SOCS2: variants seen among roughly 807,000 people sequenced by gnomAD.
SOCS2 encodes the protein CIS-2.
Under a neutral mutation model 18.6 loss-of-function variants are expected in SOCS2, and 10 were observed. That is an observed-to-expected ratio of 0.54 (90% CI 0.33 to 0.91). SOCS2 has a LOEUF of 0.91. Ranked by LOEUF, SOCS2 falls within the 40% of genes least tolerant of loss-of-function variation. SOCS2 has a pLI of 0.02. For missense variants in SOCS2, 231 were observed against 247.2 expected (o/e 0.93, Z 0.44); for synonymous variants, 104 against 104.0 (o/e 1.00, Z 0.00).
chr12:93,593,955 A>G, the SOCS2 span, among the ~76,000 whole-genome samples: 1 of 152,216 alleles, frequency 6.6e-6, no homozygotes, highest in Non-Finnish European at 1.5e-5. Context: ...TGTTTAATCA[A>G]AACTCTTAAT....
the SOCS2 span, among the ~76,000 whole-genome samples, chr12:93,624,503 C>T: frequency 2.0e-5 from 3 of 151,260 alleles, no homozygotes; most frequent in Admixed American, 6.6e-5. Flanking sequence ...ATCCGGGAGG[C>T]GGAGGTTGTA....
the SOCS2 span, among the ~76,000 whole-genome samples, chr12:93,614,404 T>TCTTTCTTTCTTC: frequency 7.2e-6 from 1 of 139,060 alleles, no homozygotes; most frequent in Admixed American, 7.2e-5. Context: ...TTTCTTTCTT[T>TCTTTCTTTCTTC]CTTTCTTTCT....
the SOCS2 span, among the ~76,000 whole-genome samples, chr12:93,603,533 T>C: frequency 6.6e-6 from 1 of 152,234 alleles, no homozygotes; most frequent in African/African-American, 2.4e-5. Flanking sequence ...GTTTATTACA[T>C]GGATCTGGTC....
intron 1 of SOCS2, 58 bp downstream of exon 1, chr12:93,573,094 C>T (rs1394772038): frequency 6.5e-7 from 1 of 1,536,316 alleles, no homozygotes; most frequent in South Asian, 1.2e-5. Context: ...AAGGAAGCAG[C>T]TAGGAAGCGG....
At chr12:93,573,600 C>CA (rs777255361) in intron 1 of SOCS2, 3 of 184,714 alleles carry the variant, frequency 1.6e-5, no homozygotes, top group Admixed American at 1.2e-4. Context: ...CAAGTACAGT[C>CA]AGGCAATTCG....
At chr12:93,619,357 A>T in the SOCS2 span, among the ~76,000 whole-genome samples, 3 of 152,178 alleles carry the variant, frequency 2.0e-5, no homozygotes, top group African/African-American at 7.2e-5. Flanking sequence ...GCCCCAGAAC[A>T]GGGCAGGAAG....
downstream of SOCS2, among the ~76,000 whole-genome samples, chr12:93,584,829 C>T (rs1185987786): frequency 6.6e-6 from 1 of 151,990 alleles, no homozygotes; most frequent in African/African-American, 2.4e-5. Flanking sequence ...ATGGCATGAT[C>T]TCAGCTCACT....
chr12:93,605,071 T>G, the SOCS2 span, among the ~76,000 whole-genome samples: 1 of 152,142 alleles, frequency 6.6e-6, no homozygotes, highest in Non-Finnish European at 1.5e-5. Context: ...TGTAATGTTA[T>G]ATGTCAAAGC....
exon 2 of SOCS2, chr12:93,583,417 CA>C (rs893834968): frequency 2.4e-4 from 37 of 151,916 alleles, no homozygotes; most frequent in Non-Finnish European, 4.3e-4. Flanking sequence ...GTAAAGGAAA[CA>C]AAAAAGCTAT....
Position 93,575,260 on chromosome 12 carries a change from T to G in SOCS2, c.*81T>G. The G allele has an allele frequency of 2.1e-6, 2 of 938,914 alleles. No homozygotes were observed. Among genetic ancestry groups the G allele is most frequent in the Non-Finnish European group, 3.1e-6 (2 of 640,206 alleles). 58.2% of individuals were successfully genotyped at this position (938,914 alleles called of 1,614,324 possible). On this transcript the variant is annotated 3_prime_UTR_variant, in exon 2 of 2. Coordinates refer to ENST00000551556, the MANE Select transcript of SOCS2 (RefSeq NM_001270471.2). ...TAAAAGAGAACCAAAACTTGAGTGC[T>G]CTGGATAACTATATGGAATGCTTTC... is the stretch of plus-strand genomic sequence containing the variant.
chr12:93,575,439 G>C lies in SOCS2; in HGVS notation c.*260G>C, dbSNP rs753469901. 4.7e-6 allele frequency: 1 copy of C among 212,694 alleles called. No individual in the cohort carries two copies. Among genetic ancestry groups the C allele is most frequent in the Admixed American group, 5.3e-5 (1 of 19,016 alleles). The allele number at this position is 212,694 out of a possible 1,614,324, so 13.2% of individuals were successfully genotyped here. A position where few individuals can be genotyped will look rare whatever the true frequency, so the allele number is the denominator to read the frequency against. On this transcript the variant is annotated 3_prime_UTR_variant, in exon 2 of 2. Coordinates refer to ENST00000551556, the MANE Select transcript of SOCS2 (RefSeq NM_001270471.2). ...CCTTTTAGATTAAAAATAAAATGTCGCATGTAAAGGCTGAAGTCGCGTTTT... is the reference window on the plus strand; with the variant it reads ...CCTTTTAGATTAAAAATAAAATGTCCCATGTAAAGGCTGAAGTCGCGTTTT...
chr12:93,591,416 T>C, the SOCS2 span, among the ~76,000 whole-genome samples: 1,949 of 152,290 alleles, frequency 0.013, 43 homozygotes, highest in African/African-American at 0.044. Context: ...AGAAAGCGTG[T>C]GTGCGTTCGT....
chr12:93,613,500 G>A, the SOCS2 span, among the ~76,000 whole-genome samples: 5 of 152,104 alleles, frequency 3.3e-5, no homozygotes, highest in Non-Finnish European at 7.3e-5. Flanking sequence ...TACCACTTTA[G>A]TAGCTGCATA....
downstream of SOCS2, among the ~76,000 whole-genome samples, chr12:93,581,432 G>A (rs10859534): frequency 0.19 from 29,093 of 150,598 alleles, 3,416 homozygotes; most frequent in East Asian, 0.43. Flanking sequence ...TTTTTTTAAT[G>A]TGTGTCAATC....
upstream of SOCS2, chr12:93,571,107 C>T (rs1592818477): frequency 6.5e-6 from 1 of 154,212 alleles, no homozygotes; most frequent in African/African-American, 2.4e-5. Flanking sequence ...AAGCATGAGC[C>T]CTCTCGCCCG....
chr12:93,610,629 T>C, the SOCS2 span, among the ~76,000 whole-genome samples: 2 of 152,180 alleles, frequency 1.3e-5, no homozygotes, highest in African/African-American at 4.8e-5. Flanking sequence ...ATGAATGGGC[T>C]CAGTACTCTC....
At chr12:93,622,912 T>G in the SOCS2 span, among the ~76,000 whole-genome samples, 1 of 151,932 alleles carries the variant, frequency 6.6e-6, no homozygotes, top group African/African-American at 2.4e-5. Context: ...CATGACTAGT[T>G]TAGGTGGATT....
At chr12:93,573,312 C>A in intron 1 of SOCS2, 1 of 565,684 alleles carries the variant, frequency 1.8e-6, no homozygotes, top group Non-Finnish European at 3.1e-6. Context: ...TTTTCCGCAG[C>A]TGCTCAGGGT....
chr12:93,607,168 C>A, the SOCS2 span, among the ~76,000 whole-genome samples: 1 of 152,178 alleles, frequency 6.6e-6, no homozygotes, highest in Non-Finnish European at 1.5e-5. Flanking sequence ...TTTTCTATAA[C>A]ATCTTTTTCT....
Sources: gnomAD v4.1 joint callset for allele counts (sites outside exome capture counted in the v4.1 genomes callset) on GRCh38, gnomAD v4.1.1 for gene constraint, MANE v1.5 for transcripts, NCBI Gene and HGNC (gene_info 2026-07-23, HGNC 2026-07-21) for gene names.